CYFIP2: variants seen among roughly 807,000 people sequenced by gnomAD.
CYFIP2 encodes cytoplasmic FMR1 interacting protein 2.
Under a neutral mutation model 158.7 loss-of-function variants are expected in CYFIP2, and 29 were observed. That is an observed-to-expected ratio of 0.18 (90% CI 0.14 to 0.25). The LOEUF (loss-of-function observed/expected upper bound fraction) is 0.25. CYFIP2 is among the 10% of genes least tolerant of loss of function. CYFIP2 has a pLI of 1.00. For synonymous variants in CYFIP2, 585 were observed against 617.6 expected, an observed-to-expected ratio of 0.95 and a Z score of 0.78; for missense variants, 852 against 1,639.5, an observed-to-expected ratio of 0.52 and a Z score of 8.29.
At position 157,285,371 on chromosome 5, in the gene CYFIP2, C is replaced by T; in HGVS notation, c.10C>T (p.His4Tyr). The T allele has an allele frequency of 6.4e-7, 1 of 1,568,074 alleles. No homozygotes were observed. The highest frequency in any genetic ancestry group is 8.6e-7 in the Non-Finnish European group (1 of 1,156,362). MTT[H>Y]VTLEDALSNV... ...TACAGAAACTGCAGCCATGACCACGCACGTCACCCTGGAAGATGCCCTGTC... is the reference window on the plus strand; with the variant it reads ...TACAGAAACTGCAGCCATGACCACGTACGTCACCCTGGAAGATGCCCTGTC... The change falls in exon 2 of 31, where the codon CAC (histidine) becomes TAC (tyrosine). Residue 4 changes from histidine (H) to tyrosine (Y), a missense_variant. Coordinates refer to ENST00000620254, the MANE Select transcript of CYFIP2 (RefSeq NM_001037333.3).
intron 1 of CYFIP2, among the ~76,000 whole-genome samples, chr5:157,279,276 T>C (rs1354614706): frequency 6.6e-6 from 1 of 152,172 alleles, no homozygotes; most frequent in Non-Finnish European, 1.5e-5. Context: ...TTTATATAGC[T>C]CATAAGTGGC....
At chr5:157,384,268 C>T (rs190264299) in intron 28 of CYFIP2, 85 of 456,640 alleles carry the variant, frequency 1.9e-4, no homozygotes, top group Non-Finnish European at 3.2e-4. Flanking sequence ...AGGGGGAGAG[C>T]GGAGAAACAA....
At chr5:157,274,779 G>A (rs933298072) in intron 1 of CYFIP2, among the ~76,000 whole-genome samples, 1 of 152,126 alleles carries the variant, frequency 6.6e-6, no homozygotes, top group Non-Finnish European at 1.5e-5. Context: ...GTGTGAAGTG[G>A]TATCGATTTG....
intron 26 of CYFIP2, chr5:157,375,683 T>G (rs1765399029): frequency 6.6e-6 from 1 of 152,044 alleles, no homozygotes; most frequent in Admixed American, 6.6e-5. Flanking sequence ...GTATTTTATT[T>G]TTATCTGTGG....
Position 157,326,071 on chromosome 5 carries a change from T to A in CYFIP2, c.1983-100T>A, listed in dbSNP as rs146120192. 63 of 917,104 alleles carry A rather than the reference T, an allele frequency of 6.9e-5. No homozygotes were observed. In the East Asian group the frequency reaches 1.5e-3, roughly 22 times the overall value. The allele number at this position is 917,104 out of a possible 1,614,324, so 56.8% of individuals were successfully genotyped here. ...AAGAGAGGGATGAAAGATGGTCTTT[T>A]CCTGACTGTGAACTTGTTTCTATTT... On this transcript the variant is annotated intron_variant, in intron 17 of 30. Coordinates refer to ENST00000620254, the MANE Select transcript of CYFIP2 (RefSeq NM_001037333.3).
At chr5:157,327,855 C>A (rs1561731871) in intron 18 of CYFIP2, 118 bp from the exon 19 acceptor site, 2 of 875,200 alleles carry the variant, frequency 2.3e-6, no homozygotes, top group Non-Finnish European at 3.6e-6. Flanking sequence ...CCCTTCAAAG[C>A]GTCTTTCCCC....
rs147411422 is a variant in CYFIP2, at chr5:157,393,570, C to G, written c.*570C>G. 2.5e-3 allele frequency: 380 copies of G among 152,800 alleles called. No homozygotes were observed. Among genetic ancestry groups the G allele is most frequent in the Middle Eastern group, 0.013 (4 of 298 alleles). 9.5% of individuals were successfully genotyped at this position (152,800 alleles called of 1,614,324 possible). A position where few individuals can be genotyped will look rare whatever the true frequency, so the allele number is the denominator to read the frequency against. ...CACATAGGCTTCCCAAAGCCCCATT[C>G]TAACTCCCCTCTCTCAGGGAAGCCC... On this transcript the variant is annotated 3_prime_UTR_variant, in exon 31 of 31. Coordinates refer to ENST00000620254, the MANE Select transcript of CYFIP2 (RefSeq NM_001037333.3).
intron 7 of CYFIP2, 146 bp from the exon 8 acceptor site, chr5:157,304,092 G>A: frequency 1.0e-6 from 1 of 988,158 alleles, no homozygotes. Context: ...TCAGGTGCCA[G>A]CTGGCATGCA....
At chr5:157,325,659 A>G (rs373231776) in intron 17 of CYFIP2, 21 bp downstream of exon 17, 104 of 1,578,072 alleles carry the variant, frequency 6.6e-5, no homozygotes, top group Non-Finnish European at 8.9e-5. Flanking sequence ...GGATTGGGCC[A>G]GCAAGTGGCT....
rs759663105 is a variant in CYFIP2, at chr5:157,395,537, T to C, written c.*2537T>C. 2.9e-5 allele frequency: 28 copies of C among 970,826 alleles called. No homozygotes were observed. The highest frequency in any genetic ancestry group is 4.9e-4 in the Middle Eastern group (2 of 4,082). The allele number at this position is 970,826 out of a possible 1,614,324, so 60.1% of individuals were successfully genotyped here. On this transcript the variant is annotated 3_prime_UTR_variant, in exon 31 of 31. Transcript: ENST00000620254. ...TTGATTTGTATTTTGGGGGTACCTG[T>C]GTTGAGTTGATAAACATTTCCATCT...
rs1030183580 is a variant in CYFIP2 at position 157,323,956 on chromosome 5, T to C, written c.1707T>C (p.Ile569=). ...YMVRTMLESL[I]ADKSGSKKTL... is the part of the protein sequence containing the mutation. ...TGCGGACCATGCTTGAATCACTCAT[T>C]GCAGACAAAAGCGGCTCCAAGAAGA... is the stretch of plus-strand genomic sequence containing the variant. Residue 569 remains isoleucine, a synonymous_variant, in exon 16 of 31, where the codon ATT becomes ATC. Coordinates refer to ENST00000620254, the MANE Select transcript of CYFIP2 (RefSeq NM_001037333.3). 5 of 1,602,216 alleles carry C rather than the reference T, an allele frequency of 3.1e-6. No homozygotes were observed. Among genetic ancestry groups the C allele is most frequent in the Non-Finnish European group, 4.3e-6 (5 of 1,173,892 alleles).
At chr5:157,367,400 C>T (rs1210060381) in intron 26 of CYFIP2, among the ~76,000 whole-genome samples, 1 of 152,170 alleles carries the variant, frequency 6.6e-6, no homozygotes, top group African/African-American at 2.4e-5. Context: ...TCATCTAGTG[C>T]AACCTCAAAT....
At chr5:157,287,559 T>C (rs191530540) in intron 3 of CYFIP2, among the ~76,000 whole-genome samples, 8 of 152,344 alleles carry the variant, frequency 5.3e-5, no homozygotes, top group African/African-American at 1.7e-4. Flanking sequence ...GGGCCAGTTA[T>C]TATTTTCTCT....
intron 23 of CYFIP2, among the ~76,000 whole-genome samples, chr5:157,346,400 C>A (rs1466938987): frequency 6.6e-6 from 1 of 152,162 alleles, no homozygotes; most frequent in East Asian, 1.9e-4. Context: ...AAGATGAAAT[C>A]TTCCTGGATT....
At chr5:157,368,770 T>A (rs1220283) in intron 26 of CYFIP2, among the ~76,000 whole-genome samples, 80,515 of 151,780 alleles carry the variant, frequency 0.53, 22,195 homozygotes, top group African/African-American at 0.62. Flanking sequence ...TGAGCCAGAG[T>A]GAGAGACTCC....
At chr5:157,312,052 T>C (rs563902295) in intron 11 of CYFIP2, among the ~76,000 whole-genome samples, 15 of 152,148 alleles carry the variant, frequency 9.9e-5, no homozygotes, top group Non-Finnish European at 2.1e-4. Context: ...TCCTGAAAGG[T>C]TCATTGAGAG....
intron 23 of CYFIP2, among the ~76,000 whole-genome samples, chr5:157,357,300 A>G (rs926003141): frequency 6.6e-6 from 1 of 152,222 alleles, no homozygotes; most frequent in African/African-American, 2.4e-5. Flanking sequence ...ATACGTACCT[A>G]ATTCAAAACT....
At chr5:157,274,145 A>C (rs1756351493) in intron 1 of CYFIP2, among the ~76,000 whole-genome samples, 1 of 151,992 alleles carries the variant, frequency 6.6e-6, no homozygotes, top group African/African-American at 2.4e-5. Context: ...AAAAAAAAAA[A>C]AAAACCGTTC....
rs1379044256 is a variant in CYFIP2, at chr5:157,266,222, C to G, written c.-24+27C>G. On this transcript the variant is annotated intron_variant, in intron 1 of 30. Coordinates refer to ENST00000620254, the MANE Select transcript of CYFIP2 (RefSeq NM_001037333.3). The surrounding 1 kb of genome is among the most constrained non-coding windows in gnomAD (Gnocchi z 4.2). Reference sequence around the variant, plus strand: ...TAAGCGGCCCTCGCAGGCCTCGGGCCGGGCACGGGGACTAGGATGCCGCCG... The same window carrying G: ...TAAGCGGCCCTCGCAGGCCTCGGGCGGGGCACGGGGACTAGGATGCCGCCG... 3 of 150,840 alleles carry G rather than the reference C, an allele frequency of 2.0e-5. No individual in the cohort carries two copies. The highest frequency in any genetic ancestry group is 3.0e-5 in the Non-Finnish European group (2 of 67,588). 9.3% of individuals were successfully genotyped at this position (150,840 alleles called of 1,614,324 possible).
Sources: gnomAD v4.1 joint callset for allele counts (sites outside exome capture counted in the v4.1 genomes callset) on GRCh38, gnomAD v4.1.1 for gene constraint, Gnocchi (gnomAD v3.1) non-coding constraint, MANE v1.5 for transcripts, NCBI Gene and HGNC (gene_info 2026-07-23, HGNC 2026-07-21) for gene names.